SLC25A21: variants seen among roughly 807,000 people sequenced by gnomAD.
The protein encoded by SLC25A21 is mitochondrial 2-oxodicarboxylate carrier.
In SLC25A21, 47 loss-of-function variants were observed where a neutral mutation model predicts 43.8. The observed-to-expected ratio is 1.07, with a 90% CI of 0.85 to 1.37. SLC25A21 has a LOEUF of 1.37. SLC25A21 is among the 40% of genes most tolerant of loss of function. SLC25A21 has a pLI of 0.00. For synonymous variants in SLC25A21, 131 were observed against 121.3 expected, an observed-to-expected ratio of 1.08 and a Z score of -0.52; for missense variants, 352 against 350.2, an observed-to-expected ratio of 1.00 and a Z score of -0.04.
chr14:36,886,453 A>C (rs1191836584), intron 1 of SLC25A21, among the ~76,000 whole-genome samples: 1 of 152,218 alleles, frequency 6.6e-6, no homozygotes, highest in Non-Finnish European at 1.5e-5. Flanking sequence ...CGTAACTAAC[A>C]CTAAGCAATG....
chr14:36,948,305 T>A (rs1892723539), intron 1 of SLC25A21, among the ~76,000 whole-genome samples: 1 of 152,202 alleles, frequency 6.6e-6, no homozygotes, highest in East Asian at 1.9e-4. Context: ...TTAGTTGGTA[T>A]ATAGCTTTAT....
chr14:36,911,889 T>G (rs1594687496), intron 1 of SLC25A21, among the ~76,000 whole-genome samples: 1 of 152,210 alleles, frequency 6.6e-6, no homozygotes, highest in East Asian at 1.9e-4. Flanking sequence ...CCAATCAGCT[T>G]GGCTATAAAG....
chr14:36,753,022 T>C (rs1263334859), intron 3 of SLC25A21, among the ~76,000 whole-genome samples: 1 of 152,116 alleles, frequency 6.6e-6, no homozygotes, highest in Non-Finnish European at 1.5e-5. Flanking sequence ...TTCTATGAGG[T>C]ACCTAGAATA....
chr14:36,942,040 G>A (rs1193567406), intron 1 of SLC25A21, among the ~76,000 whole-genome samples: 1 of 151,710 alleles, frequency 6.6e-6, no homozygotes, highest in Non-Finnish European at 1.5e-5. Context: ...TATGACTCCG[G>A]AAATATGCCA....
chr14:36,836,083 G>C (rs1889198997), intron 2 of SLC25A21, among the ~76,000 whole-genome samples: 2 of 152,204 alleles, frequency 1.3e-5, no homozygotes, highest in Non-Finnish European at 2.9e-5. Context: ...CGTACAGTGT[G>C]GGGCAAAGAT....
At chr14:36,950,751 T>C (rs183733742) in intron 1 of SLC25A21, among the ~76,000 whole-genome samples, 2 of 152,316 alleles carry the variant, frequency 1.3e-5, no homozygotes, top group East Asian at 3.9e-4. Context: ...ATGAAGCTAA[T>C]CAATTACTTG....
At chr14:36,891,676 G>A (rs552987195) in intron 1 of SLC25A21, among the ~76,000 whole-genome samples, 2 of 152,088 alleles carry the variant, frequency 1.3e-5, no homozygotes, top group African/African-American at 2.4e-5. Context: ...GCAAGATGGC[G>A]TTTCCCAGAA....
Position 36,679,062 on chromosome 14 carries a change from A to G in SLC25A21, c.*1596T>C, listed in dbSNP as rs1882055148. The G allele has an allele frequency of 5.1e-6, 5 of 985,526 alleles. No individual in the cohort carries two copies. Among genetic ancestry groups the G allele is most frequent in the Non-Finnish European group, 6.0e-6 (5 of 829,994 alleles). 61.0% of individuals were successfully genotyped at this position (985,526 alleles called of 1,614,324 possible). On this transcript the variant is annotated 3_prime_UTR_variant, in exon 10 of 10. Coordinates refer to ENST00000331299, the MANE Select transcript of SLC25A21 (RefSeq NM_030631.4). Reference sequence around the variant, plus strand: ...AGAAATCCTTTTCTATCTGATCCACATGGAGAGGTTAAAGGTTCAATTTCA... The same window carrying G: ...AGAAATCCTTTTCTATCTGATCCACGTGGAGAGGTTAAAGGTTCAATTTCA...
At chr14:36,931,516 A>G (rs184964323) in intron 1 of SLC25A21, among the ~76,000 whole-genome samples, 22 of 152,268 alleles carry the variant, frequency 1.4e-4, no homozygotes, top group Admixed American at 4.6e-4. Context: ...GGTGGTATGG[A>G]AGGCAGAAGC....
In SLC25A21 at chr14:36,693,914, T is replaced by TA. The variant is rs536149447; in HGVS notation, c.604-8990dup. Among the ~76,000 whole-genome samples the TA allele has an allele frequency of 1.9e-3, 292 of 152,282 alleles. 1 individual carries two copies. The highest frequency in any genetic ancestry group is 2.8e-3 in the Non-Finnish European group (192 of 68,004). Reference sequence around the variant, plus strand: ...CCACAAAAGTTCCACCAAAATTTTTTAAAAAATTATTATTATACTTTAAGT... The same window carrying TA: ...CCACAAAAGTTCCACCAAAATTTTTTAAAAAAATTATTATTATACTTTAAGT... On this transcript the variant is annotated intron_variant, in intron 7 of 9. Transcript: ENST00000331299.
intron 6 of SLC25A21, 92 bp from the exon 7 acceptor site, chr14:36,711,574 A>G: frequency 1.4e-6 from 2 of 1,385,338 alleles, no homozygotes; most frequent in Non-Finnish European, 1.9e-6. Context: ...AGCCAGAATT[A>G]TTAGGGACTT....
intron 1 of SLC25A21, among the ~76,000 whole-genome samples, chr14:36,877,719 A>G (rs1387739535): frequency 7.0e-6 from 1 of 142,388 alleles, no homozygotes; most frequent in African/African-American, 2.5e-5. Context: ...TGAGGCATGG[A>G]GGAAAGATAT....
intron 1 of SLC25A21, among the ~76,000 whole-genome samples, chr14:37,162,208 G>C (rs1292552070): frequency 2.0e-5 from 3 of 152,116 alleles, no homozygotes; most frequent in African/African-American, 4.8e-5. Flanking sequence ...CTCCCATTTT[G>C]TAGGTTGCCT....
chr14:36,897,061 A>G (rs1224392180), intron 1 of SLC25A21, among the ~76,000 whole-genome samples: 1 of 152,098 alleles, frequency 6.6e-6, no homozygotes, highest in Non-Finnish European at 1.5e-5. Context: ...TGTTCTCTGT[A>G]TTTCCTGAAT....
chr14:36,942,119 T>C (rs949410974), intron 1 of SLC25A21, among the ~76,000 whole-genome samples: 2 of 152,140 alleles, frequency 1.3e-5, no homozygotes, highest in African/African-American at 4.8e-5. Flanking sequence ...ATTCATTCTC[T>C]TACAATTAAC....
At chr14:36,784,144 G>A (rs539877455) in intron 3 of SLC25A21, among the ~76,000 whole-genome samples, 6 of 152,322 alleles carry the variant, frequency 3.9e-5, no homozygotes, top group Non-Finnish European at 5.9e-5. Context: ...AGGCACCATA[G>A]ATGACTTCTT....
At chr14:36,751,813 G>A (rs1425038074) in intron 3 of SLC25A21, among the ~76,000 whole-genome samples, 4 of 152,182 alleles carry the variant, frequency 2.6e-5, no homozygotes, top group African/African-American at 9.7e-5. Context: ...GTTTGTCCAT[G>A]AGGCAGAAGT....
chr14:36,912,082 C>G (rs957718347), intron 1 of SLC25A21, among the ~76,000 whole-genome samples: 2 of 152,088 alleles, frequency 1.3e-5, no homozygotes, highest in Non-Finnish European at 2.9e-5. Flanking sequence ...ACATTTCTAT[C>G]TTAAATCCAA....
chr14:37,009,044 C>T (rs1408291428), intron 1 of SLC25A21, among the ~76,000 whole-genome samples: 1 of 152,134 alleles, frequency 6.6e-6, no homozygotes, highest in Non-Finnish European at 1.5e-5. Context: ...CACATTAGAG[C>T]AAACATAAAG....
Sources: allele counts gnomAD v4.1 joint callset (sites outside exome capture counted in the v4.1 genomes callset), GRCh38; gene constraint gnomAD v4.1.1; transcripts MANE v1.5; gene names NCBI Gene and HGNC (gene_info 2026-07-23, HGNC 2026-07-21).